EP300: variants seen among roughly 807,000 people sequenced by gnomAD.
The protein encoded by EP300 is EP300 lysine acetyltransferase, also known as histone acetyltransferase p300.
A neutral mutation model predicts 264.0 loss-of-function variants in EP300; 31 were observed. The observed-to-expected ratio is 0.12, with a 90% CI of 0.09 to 0.16. The LOEUF (loss-of-function observed/expected upper bound fraction) is 0.16, where lower values mean the gene tolerates loss of function less well. EP300 is among the 10% of genes least tolerant of loss of function. EP300 has a pLI of 1.00. For synonymous variants in EP300, 1,340 were observed against 1,045.4 expected (o/e 1.28, Z -5.44); for missense variants, 2,766 against 3,052.9 (o/e 0.91, Z 2.21).
chr22:41,178,645 C>T lies in EP300; in HGVS notation c.6934C>T (p.Pro2312Ser), dbSNP rs137935821. 151 of 1,614,160 alleles carry T rather than the reference C, an allele frequency of 9.4e-5. 1 individual carries two copies. The Middle Eastern group carries it at 1.5e-3, about 16-fold the overall frequency. The change falls in exon 31 of 31, where the codon CCT becomes TCT. Residue 2312 changes from proline to serine, a missense_variant. Coordinates refer to ENST00000263253, the MANE Select transcript of EP300 (RefSeq NM_001429.4). ...SLSNQVRSPQPVPSPRPQSQP... is the reference protein window; with the variant it reads ...SLSNQVRSPQSVPSPRPQSQP... ...CTCCAATCAAGTGCGCTCTCCCCAG[C>T]CTGTCCCTTCTCCACGGCCACAGTC...
chr22:41,172,225 T>C (rs2059174892), intron 27 of EP300, among the ~76,000 whole-genome samples: 1 of 152,220 alleles, frequency 6.6e-6, no homozygotes, highest in Middle Eastern at 3.2e-3. Flanking sequence ...ACGTTGATCC[T>C]GGCAGGATAA....
intron 19 of EP300, 42 bp from the exon 20 acceptor site, chr22:41,160,600 T>G: frequency 6.2e-7 from 1 of 1,600,762 alleles, no homozygotes; most frequent in Non-Finnish European, 8.6e-7. Context: ...CTGTGTTGTG[T>G]GAACGGAACA....
intron 10 of EP300, among the ~76,000 whole-genome samples, chr22:41,144,345 C>T (rs1288955148): frequency 6.6e-6 from 1 of 151,958 alleles, no homozygotes; most frequent in Admixed American, 6.6e-5. Flanking sequence ...ATTTTCTTTA[C>T]CTCTAAATAT....
intron 16 of EP300, among the ~76,000 whole-genome samples, chr22:41,154,589 G>T (rs947365850): frequency 1.3e-5 from 2 of 151,828 alleles, no homozygotes; most frequent in Non-Finnish European, 2.9e-5. Flanking sequence ...ATGTTGGCCA[G>T]GCTGAAACTT....
chr22:41,111,875 CCTTTTT>C (rs1569087437), intron 1 of EP300, among the ~76,000 whole-genome samples: 2 of 114,610 alleles, frequency 1.7e-5, no homozygotes, highest in African/African-American at 6.3e-5. Flanking sequence ...GAACTTGTAA[CCTTTTT>C]TTTTTTTTTT....
chr22:41,151,421 CATT>C (rs1183501432), intron 14 of EP300, among the ~76,000 whole-genome samples: 1 of 152,170 alleles, frequency 6.6e-6, no homozygotes, highest in Non-Finnish European at 1.5e-5. Flanking sequence ...TCTGGGACAT[CATT>C]ATATTTATTG....
intron 6 of EP300, among the ~76,000 whole-genome samples, chr22:41,134,118 C>CCTGTTGT (rs1463682954): frequency 6.7e-6 from 1 of 150,000 alleles, no homozygotes; most frequent in African/African-American, 2.5e-5. Context: ...TCATTCCTGC[C>CCTGTTGT]CTGTTGTTAT....
chr22:41,120,811 C>T (rs375780544), intron 2 of EP300, among the ~76,000 whole-genome samples: 35 of 152,182 alleles, frequency 2.3e-4, no homozygotes, highest in African/African-American at 8.2e-4. Flanking sequence ...CTTGATCTCC[C>T]AGGCTTACGC....
intron 1 of EP300, among the ~76,000 whole-genome samples, chr22:41,116,441 T>C (rs1316448589): frequency 6.6e-6 from 1 of 152,142 alleles, no homozygotes; most frequent in African/African-American, 2.4e-5. Flanking sequence ...TAACTCCCAC[T>C]TATGAGTGAG....
intron 1 of EP300, among the ~76,000 whole-genome samples, chr22:41,097,054 T>C (rs564192622): frequency 7.9e-5 from 12 of 152,360 alleles, no homozygotes; most frequent in Admixed American, 4.6e-4. Context: ...GCTTGAATGT[T>C]TACATAAGAG....
intron 20 of EP300, among the ~76,000 whole-genome samples, chr22:41,161,538 A>G (rs939899167): frequency 6.6e-6 from 1 of 151,938 alleles, no homozygotes; most frequent in Non-Finnish European, 1.5e-5. Context: ...AACGGCGTGA[A>G]CCCGGGAGGT....
chr22:41,094,606 A>T (rs549108514), intron 1 of EP300, among the ~76,000 whole-genome samples: 48 of 152,314 alleles, frequency 3.2e-4, no homozygotes, highest in Non-Finnish European at 6.8e-4. Flanking sequence ...ATACACATAC[A>T]CAAACGTCGT....
chr22:41,095,031 C>T (rs1234025459), intron 1 of EP300, among the ~76,000 whole-genome samples: 1 of 151,970 alleles, frequency 6.6e-6, no homozygotes, highest in Non-Finnish European at 1.5e-5. Flanking sequence ...ACTCATAATG[C>T]TAAGAGTTTA....
At chr22:41,154,786 G>A (rs1416886172) in intron 16 of EP300, among the ~76,000 whole-genome samples, 1 of 152,164 alleles carries the variant, frequency 6.6e-6, no homozygotes, top group African/African-American at 2.4e-5. Context: ...AAGGTGATAA[G>A]ACACAATGTT....
rs750219186 is a variant in EP300 at position 41,149,742 on chromosome 22, A to T, written c.2380-19A>T. On this transcript the variant is annotated intron_variant, in intron 13 of 30. Transcript: ENST00000263253. The stretch of plus-strand genomic sequence containing the variant: ...TTCTGTTCTGAATTGCTGTCTTGTT[A>T]TGTTTTTTATTTTAACAGGCACAAA... The T allele has an allele frequency of 6.2e-7, 1 of 1,613,030 alleles. No homozygotes were observed. The highest frequency in any genetic ancestry group is 8.5e-7 in the Non-Finnish European group (1 of 1,179,218).
intron 19 of EP300, chr22:41,160,419 CAAAA>C (rs35492332): frequency 5.6e-6 from 2 of 356,668 alleles, no homozygotes; most frequent in Non-Finnish European, 1.0e-5. Flanking sequence ...GCTTTGATTG[CAAAA>C]AAAAAAACAA....
intron 22 of EP300, 37 bp from the exon 23 acceptor site, chr22:41,166,562 T>C (rs973026584): frequency 3.2e-6 from 5 of 1,554,534 alleles, no homozygotes; most frequent in Non-Finnish European, 3.5e-6. Context: ...CAACGGTTTA[T>C]CTAAGTTGTG....
chr22:41,177,380 C>T lies in EP300; in HGVS notation c.5669C>T (p.Thr1890Ile), dbSNP rs146165770. 3.7e-6 allele frequency: 6 copies of T among 1,613,984 alleles called. No homozygotes were observed. Among genetic ancestry groups the T allele is most frequent in the South Asian group, 1.1e-5 (1 of 91,084 alleles). ...PNSMPPYLPR[T>I]QAAGPVSQGK... ...AGCATGCCACCCTACTTGCCCAGGACTCAAGCTGCTGGCCCTGTGTCCCAG... is the reference window on the plus strand; with the variant it reads ...AGCATGCCACCCTACTTGCCCAGGATTCAAGCTGCTGGCCCTGTGTCCCAG... Residue 1890 changes from threonine to isoleucine, a missense_variant, in exon 31 of 31, where the codon ACT (threonine) becomes ATT (isoleucine). Physicochemically the swap from Thr to Ile is moderately conservative, Grantham distance 89. Transcript: ENST00000263253.
rs1376992475 is a variant in EP300, at chr22:41,147,930, C to T, written c.2225C>T (p.Pro742Leu). ...PLQHHGQLAQ[P>L]GALNPPMGYG... Reference sequence around the variant, plus strand: ...CAGCACCATGGACAGTTGGCTCAACCTGGAGCTCTCAACCCGGTTAGTTTG... The same window carrying T: ...CAGCACCATGGACAGTTGGCTCAACTTGGAGCTCTCAACCCGGTTAGTTTG... Residue 742 changes from proline (P) to leucine (L), a missense_variant, in exon 12 of 31, where the codon CCT becomes CTT. Coordinates refer to ENST00000263253, the MANE Select transcript of EP300 (RefSeq NM_001429.4). 2 of 1,608,354 alleles carry T rather than the reference C, an allele frequency of 1.2e-6. No homozygotes were observed. Among genetic ancestry groups the T allele is most frequent in the East Asian group, 2.2e-5 (1 of 44,786 alleles).
Sources: gnomAD v4.1 joint callset for allele counts (sites outside exome capture counted in the v4.1 genomes callset) on GRCh38, gnomAD v4.1.1 for gene constraint, MANE v1.5 for transcripts, NCBI Gene and HGNC (gene_info 2026-07-23, HGNC 2026-07-21) for gene names.